The following NCAM2 variants were observed in gnomAD, a reference collection of about 807,000 sequenced individuals.
NCAM2 encodes N-CAM-2.
Under a neutral mutation model 98.1 loss-of-function variants are expected in NCAM2, and 30 were observed. The ratio of observed to expected loss-of-function variants is 0.31; its 90% CI spans 0.23 to 0.41. The LOEUF is 0.41. Among genes scored for constraint, NCAM2 ranks in the 10% least tolerant of loss-of-function variants. NCAM2 has a pLI of 1.00. For missense variants in NCAM2, 867 were observed against 1,005.8 expected, an observed-to-expected ratio of 0.86 and a Z score of 1.87; for synonymous variants, 368 against 342.4, an observed-to-expected ratio of 1.07 and a Z score of -0.83.
intron 1 of NCAM2, among the ~76,000 whole-genome samples, chr21:21,258,825 CAG>C (rs1188973902): frequency 6.6e-6 from 1 of 152,038 alleles, no homozygotes; most frequent in Admixed American, 6.5e-5. Flanking sequence ...AGGCCAAAGT[CAG>C]AGAGAGTGCC....
chr21:21,065,661 G>A (rs1022303120), intron 1 of NCAM2, among the ~76,000 whole-genome samples: 2 of 152,070 alleles, frequency 1.3e-5, no homozygotes, highest in African/African-American at 4.8e-5. Flanking sequence ...ATTGAGGATG[G>A]CTATTTCAAG....
intron 1 of NCAM2, among the ~76,000 whole-genome samples, chr21:21,185,843 T>G (rs1264971866): frequency 6.6e-6 from 1 of 152,136 alleles, no homozygotes; most frequent in Non-Finnish European, 1.5e-5. Context: ...TTTCAATATA[T>G]CATATTGAAG....
chr21:21,210,263 A>G (rs1398508527), intron 1 of NCAM2, among the ~76,000 whole-genome samples: 2 of 152,234 alleles, frequency 1.3e-5, no homozygotes, highest in Non-Finnish European at 2.9e-5. Context: ...AACTTAGGCA[A>G]TAGATTGAAA....
intron 15 of NCAM2, among the ~76,000 whole-genome samples, chr21:21,480,499 G>C (rs1388857968): frequency 6.6e-6 from 1 of 151,932 alleles, no homozygotes; most frequent in African/African-American, 2.4e-5. Context: ...TCTGGGACAA[G>C]AAAGAGCATG....
intron 1 of NCAM2, among the ~76,000 whole-genome samples, chr21:21,273,344 A>T (rs1180382255): frequency 2.6e-5 from 4 of 152,166 alleles, no homozygotes; most frequent in African/African-American, 9.7e-5. Flanking sequence ...AACAAAGAAG[A>T]TATTGCTAAG....
chr21:21,378,733 A>T (rs1483554217), intron 9 of NCAM2, among the ~76,000 whole-genome samples: 2 of 151,998 alleles, frequency 1.3e-5, no homozygotes, highest in Non-Finnish European at 2.9e-5. Context: ...GAGTTTGTTT[A>T]TCTAGTACCT....
At chr21:21,464,124 G>A (rs1983361470) in intron 12 of NCAM2, among the ~76,000 whole-genome samples, 1 of 151,998 alleles carries the variant, frequency 6.6e-6, no homozygotes, top group Non-Finnish European at 1.5e-5. Context: ...TTGAATATAA[G>A]CATTGCCAGA....
chr21:21,482,338 TTTTA>T (rs1985967329), intron 15 of NCAM2, among the ~76,000 whole-genome samples: 1 of 152,134 alleles, frequency 6.6e-6, no homozygotes, highest in Admixed American at 6.5e-5. Context: ...TTTTATAACA[TTTTA>T]TTTTTCATTT....
At chr21:21,164,231 G>A (rs2067880776) in intron 1 of NCAM2, among the ~76,000 whole-genome samples, 1 of 152,096 alleles carries the variant, frequency 6.6e-6, no homozygotes, top group African/African-American at 2.4e-5. Context: ...CAATTGTCTT[G>A]CTATGATGGA....
chr21:21,275,131 A>T (rs532777854), intron 1 of NCAM2, among the ~76,000 whole-genome samples: 13 of 152,264 alleles, frequency 8.5e-5, no homozygotes, highest in South Asian at 2.1e-4. Context: ...ATTTTGAGAA[A>T]TAATCTTTAT....
At chr21:21,345,056 C>T (rs2075150424) in intron 8 of NCAM2, among the ~76,000 whole-genome samples, 1 of 152,250 alleles carries the variant, frequency 6.6e-6, no homozygotes. Flanking sequence ...CTGCAAGAAC[C>T]TCAACATTAC....
chr21:21,438,213 T>C (rs1046202958), intron 12 of NCAM2, among the ~76,000 whole-genome samples: 1 of 152,132 alleles, frequency 6.6e-6, no homozygotes, highest in African/African-American at 2.4e-5. Context: ...TGAATACACT[T>C]ATTGATGTGT....
At chr21:21,261,438 A>G (rs375821204) in intron 1 of NCAM2, among the ~76,000 whole-genome samples, 5 of 152,152 alleles carry the variant, frequency 3.3e-5, no homozygotes, top group East Asian at 1.9e-4. Context: ...AATTGACCAC[A>G]TGCTTGGTAA....
At chr21:21,000,933 C>A (rs2064009737) in intron 1 of NCAM2, among the ~76,000 whole-genome samples, 2 of 152,080 alleles carry the variant, frequency 1.3e-5, no homozygotes, top group Non-Finnish European at 1.5e-5. Flanking sequence ...TTTGTTTATT[C>A]TCTTGTAAAG....
chr21:21,047,822 G>A (rs2065030598), intron 1 of NCAM2, among the ~76,000 whole-genome samples: 1 of 151,770 alleles, frequency 6.6e-6, no homozygotes, highest in African/African-American at 2.4e-5. Context: ...TTTTCATCTT[G>A]CCCAAATTCC....
chr21:21,537,936 A>G lies in NCAM2; in HGVS notation c.2493A>G (p.Lys831=). The G allele has an allele frequency of 6.4e-7, 1 of 1,557,464 alleles. No homozygotes were observed. Among genetic ancestry groups the G allele is most frequent in the Non-Finnish European group, 8.7e-7 (1 of 1,145,966 alleles). The change falls in exon 18 of 18, where the codon AAA becomes AAG. Residue 831 remains lysine (K), a synonymous_variant. Coordinates refer to ENST00000400546, the MANE Select transcript of NCAM2 (RefSeq NM_004540.5). ...IKVSNDIIQS[K]EDDSKA is the part of the protein sequence containing the mutation. ...TTTCTAACGACATCATTCAATCAAA[A>G]GAAGACGACAGCAAAGCATAACAAC...
intron 2 of NCAM2, among the ~76,000 whole-genome samples, chr21:21,281,091 A>G (rs1601854129): frequency 6.6e-6 from 1 of 152,010 alleles, no homozygotes; most frequent in East Asian, 1.9e-4. Flanking sequence ...ATACCTGGCC[A>G]TTGTTGGGCT....
At chr21:21,216,166 A>G in intron 1 of NCAM2, among the ~76,000 whole-genome samples, 1 of 152,176 alleles carries the variant, frequency 6.6e-6, no homozygotes, top group Admixed American at 6.5e-5. Flanking sequence ...GCCAGGCACT[A>G]TTCTGGGCAA....
At chr21:21,146,439 TTGGG>T (rs2067275142) in intron 1 of NCAM2, among the ~76,000 whole-genome samples, 1 of 151,236 alleles carries the variant, frequency 6.6e-6, no homozygotes, top group African/African-American at 2.4e-5. Flanking sequence ...CTGAAATTAC[TTGGG>T]TGTACTAGGC....
Sources: gnomAD v4.1 joint callset for allele counts (sites outside exome capture counted in the v4.1 genomes callset) on GRCh38, gnomAD v4.1.1 for gene constraint, MANE v1.5 for transcripts, NCBI Gene and HGNC (gene_info 2026-07-23, HGNC 2026-07-21) for gene names.